Variants in FGGY observed in about 807,000 individuals in gnomAD.
The protein encoded by FGGY is FGGY carbohydrate kinase domain-containing protein.
FGGY carries 72 observed loss-of-function variants against 71.3 expected under a neutral mutation model. The ratio of observed to expected loss-of-function variants is 1.01; its 90% confidence interval spans 0.84 to 1.23. The LOEUF is 1.23. Ranked by LOEUF, FGGY falls within the 50% of genes most tolerant of loss-of-function variation. The pLI, the probability that FGGY is intolerant of heterozygous loss-of-function variation, is 0.00. For synonymous variants in FGGY, 251 were observed against 250.3 expected, an observed-to-expected ratio of 1.00 and a Z score of -0.02; for missense variants, 668 against 682.3, an observed-to-expected ratio of 0.98 and a Z score of 0.23.
chr1:59,738,284 T>A (rs929970465), intron 14 of FGGY, among the ~76,000 whole-genome samples: 1 of 152,166 alleles, frequency 6.6e-6, no homozygotes, highest in African/African-American at 2.4e-5. Context: ...AATCATAATA[T>A]ATGAATAAAT....
At chr1:59,304,039 C>T (rs1027574727) in intron 1 of FGGY, among the ~76,000 whole-genome samples, 1 of 152,018 alleles carries the variant, frequency 6.6e-6, no homozygotes, top group Non-Finnish European at 1.5e-5. Context: ...TTAGAGGTTG[C>T]TTTTTCATTT....
chr1:59,520,007 G>A (rs1019649312), intron 7 of FGGY, among the ~76,000 whole-genome samples: 13 of 152,330 alleles, frequency 8.5e-5, no homozygotes, highest in South Asian at 8.3e-4. Context: ...ACTGGCCTGT[G>A]GTGGGTAGAG....
intron 14 of FGGY, among the ~76,000 whole-genome samples, chr1:59,740,204 G>A (rs994690033): frequency 6.6e-6 from 1 of 152,170 alleles, no homozygotes; most frequent in African/African-American, 2.4e-5. Context: ...GTTACCCAAT[G>A]TGAGTGTCAA....
chr1:59,341,256 C>T (rs893185010), intron 3 of FGGY, among the ~76,000 whole-genome samples: 3 of 152,146 alleles, frequency 2.0e-5, no homozygotes, highest in Non-Finnish European at 4.4e-5. Flanking sequence ...GAGACTGATA[C>T]TTAAAATGCT....
intron 1 of FGGY, among the ~76,000 whole-genome samples, chr1:59,305,038 G>T (rs746594625): frequency 6.6e-6 from 1 of 151,928 alleles, no homozygotes; most frequent in Non-Finnish European, 1.5e-5. Context: ...TTCCAATCTG[G>T]ATGCCTTTCA....
chr1:59,539,348 A>C (rs1558277640), intron 7 of FGGY, among the ~76,000 whole-genome samples: 1 of 152,344 alleles, frequency 6.6e-6, no homozygotes, highest in East Asian at 1.9e-4. Context: ...AAAACTCCAT[A>C]ATGCCAGATA....
At chr1:59,570,826 C>G (rs911757513) in intron 8 of FGGY, among the ~76,000 whole-genome samples, 29 of 152,168 alleles carry the variant, frequency 1.9e-4, no homozygotes, top group Admixed American at 1.3e-3. Context: ...GATGATGCCA[C>G]CTGGGTAAAA....
intron 14 of FGGY, among the ~76,000 whole-genome samples, chr1:59,730,721 T>C (rs2098015952): frequency 6.6e-6 from 1 of 152,160 alleles, no homozygotes; most frequent in African/African-American, 2.4e-5. Context: ...TGAGGACACA[T>C]ACCTCATCTA....
At position 59,305,117 on chromosome 1, in the gene FGGY, G is replaced by A. The variant is rs1442265100; in HGVS notation, c.-15+7967G>A. On this transcript the variant is annotated intron_variant, in intron 1 of 15. Coordinates refer to ENST00000303721, the MANE Select transcript of FGGY (RefSeq NM_018291.5). ...TGTGCTGAATAGTAGTGGTAAGAGT[G>A]GGCATTCTCTCTTGTTCCTGATCTT... is the stretch of plus-strand genomic sequence containing the variant. Among the ~76,000 whole-genome samples, 36 of 152,108 alleles carry A rather than the reference G, an allele frequency of 2.4e-4. 1 individual carries two copies. Among genetic ancestry groups the A allele is most frequent in the Non-Finnish European group, 5.9e-5 (4 of 67,990 alleles).
intron 6 of FGGY, among the ~76,000 whole-genome samples, chr1:59,511,691 A>G (rs1379232056): frequency 6.6e-6 from 1 of 152,250 alleles, no homozygotes; most frequent in Non-Finnish European, 1.5e-5. Flanking sequence ...GCACAACTCC[A>G]AAGAACATCA....
At chr1:59,526,383 T>C (rs1457176683) in intron 7 of FGGY, among the ~76,000 whole-genome samples, 1 of 152,090 alleles carries the variant, frequency 6.6e-6, no homozygotes, top group Non-Finnish European at 1.5e-5. Flanking sequence ...AATCAGCAAA[T>C]ATATGTTGAG....
rs138233044 is a variant in FGGY, at chr1:59,526,781, C to G, written c.799+14342C>G. ...GCGAGAGGCAGCCGGGAAGACGGAG[C>G]CTGTGTAGCACACTCTGACTGGAAT... On this transcript the variant is annotated intron_variant, in intron 7 of 15. Coordinates refer to ENST00000303721, the MANE Select transcript of FGGY (RefSeq NM_018291.5). Among the ~76,000 whole-genome samples the G allele has an allele frequency of 4.8e-3, 736 of 152,326 alleles. 3 individuals carry two copies. Among genetic ancestry groups the G allele is most frequent in the Middle Eastern group, 6.8e-3 (2 of 294 alleles).
At chr1:59,664,895 A>C (rs919606740) in intron 12 of FGGY, among the ~76,000 whole-genome samples, 4 of 152,216 alleles carry the variant, frequency 2.6e-5, no homozygotes, top group African/African-American at 9.7e-5. Context: ...CTGACAATCT[A>C]TAGAATTTTT....
At chr1:59,601,966 G>C (rs1181027540) in intron 8 of FGGY, among the ~76,000 whole-genome samples, 1 of 152,180 alleles carries the variant, frequency 6.6e-6, no homozygotes, top group Non-Finnish European at 1.5e-5. Context: ...AGTACTTCAA[G>C]AAGCCCCAGG....
chr1:59,386,180 T>G (rs1291572809), intron 5 of FGGY, among the ~76,000 whole-genome samples: 1 of 151,420 alleles, frequency 6.6e-6, no homozygotes, highest in African/African-American at 2.5e-5. Flanking sequence ...CCATACTTTA[T>G]TCCGATTTTT....
chr1:59,578,024 A>C (rs2096114924), intron 8 of FGGY, among the ~76,000 whole-genome samples: 1 of 152,164 alleles, frequency 6.6e-6, no homozygotes, highest in Non-Finnish European at 1.5e-5. Context: ...AAAGATTGTG[A>C]AACTTGTGCT....
chr1:59,384,625 AAG>A (rs2059868943), intron 5 of FGGY, among the ~76,000 whole-genome samples: 2 of 152,154 alleles, frequency 1.3e-5, no homozygotes, highest in African/African-American at 2.4e-5. Flanking sequence ...GCATAGAGGA[AAG>A]AGGGAAATCC....
chr1:59,655,983 A>G (rs2097214602), intron 11 of FGGY, among the ~76,000 whole-genome samples: 1 of 152,244 alleles, frequency 6.6e-6, no homozygotes, highest in South Asian at 2.1e-4. Context: ...CCCAATATTT[A>G]CATAAGTGCT....
chr1:59,649,100 T>C (rs2097130018), intron 11 of FGGY, among the ~76,000 whole-genome samples: 1 of 152,064 alleles, frequency 6.6e-6, no homozygotes. Context: ...TTCTGTTCCA[T>C]TGGTCTATAT....
Sources: allele counts gnomAD v4.1 joint callset (sites outside exome capture counted in the v4.1 genomes callset), GRCh38; gene constraint gnomAD v4.1.1; transcripts MANE v1.5; gene names NCBI Gene and HGNC (gene_info 2026-07-23, HGNC 2026-07-21).